MEMO1: variants seen among roughly 807,000 people sequenced by gnomAD.
MEMO1 encodes the protein protein MEMO1.
A neutral mutation model predicts 45.2 loss-of-function variants in MEMO1; 6 were observed. The ratio of observed to expected loss-of-function variants is 0.13; its 90% CI spans 0.07 to 0.26. The LOEUF is 0.26. Ranked by LOEUF, MEMO1 falls within the 10% of genes least tolerant of loss-of-function variation. The pLI is 1.00. For synonymous variants in MEMO1, 78 were observed against 124.3 expected (o/e 0.63, Z 2.48); for missense variants, 184 against 370.5 (o/e 0.50, Z 4.13).
At chr2:31,950,105 G>A (rs1347658998) in intron 2 of MEMO1, among the ~76,000 whole-genome samples, 1 of 152,152 alleles carries the variant, frequency 6.6e-6, no homozygotes, top group Non-Finnish European at 1.5e-5. Context: ...TTATTGCCGG[G>A]CGCAGTGGCT....
chr2:31,999,918 C>G (rs1673071947), intron 2 of MEMO1, among the ~76,000 whole-genome samples: 1 of 139,224 alleles, frequency 7.2e-6, no homozygotes, highest in Non-Finnish European at 1.5e-5. Flanking sequence ...AATCCTCAAT[C>G]TGTCGCCCAG....
At chr2:31,926,425 CTTG>C in intron 4 of MEMO1, among the ~76,000 whole-genome samples, 1 of 149,294 alleles carries the variant, frequency 6.7e-6, no homozygotes, top group South Asian at 2.1e-4. Flanking sequence ...AAATAATATA[CTTG>C]TTGTCAATGA....
At chr2:31,925,474 T>TCAAAAAAAAA (rs1682951325) in intron 4 of MEMO1, among the ~76,000 whole-genome samples, 1 of 15,064 alleles carries the variant, frequency 6.6e-5, no homozygotes, top group Non-Finnish European at 1.5e-4. Flanking sequence ...AGACTCCGTC[T>TCAAAAAAAAA]CAAAAAAAAA....
chr2:31,988,010 A>G (rs1030486232), intron 2 of MEMO1, among the ~76,000 whole-genome samples: 1 of 152,138 alleles, frequency 6.6e-6, no homozygotes, highest in African/African-American at 2.4e-5. Flanking sequence ...GCAGAGTGTT[A>G]GTAGGAAGGA....
At chr2:31,914,142 G>A (rs750251736) in intron 6 of MEMO1, among the ~76,000 whole-genome samples, 1 of 152,182 alleles carries the variant, frequency 6.6e-6, no homozygotes, top group Admixed American at 6.5e-5. Context: ...GCCCCAGAGA[G>A]GAAGCTAGGG....
At chr2:31,918,622 G>T (rs1681831709) in intron 5 of MEMO1, among the ~76,000 whole-genome samples, 1 of 152,098 alleles carries the variant, frequency 6.6e-6, no homozygotes, top group African/African-American at 2.4e-5. Flanking sequence ...TTGTAGGATG[G>T]ATCAAAATAT....
intron 6 of MEMO1, among the ~76,000 whole-genome samples, chr2:31,916,729 A>C (rs1681501941): frequency 6.6e-6 from 1 of 152,374 alleles, no homozygotes; most frequent in East Asian, 1.9e-4. Flanking sequence ...TATTGCTTAT[A>C]ATGTAGTATC....
At chr2:31,985,479 C>T (rs1197706334) in intron 2 of MEMO1, among the ~76,000 whole-genome samples, 1 of 152,176 alleles carries the variant, frequency 6.6e-6, no homozygotes, top group African/African-American at 2.4e-5. Context: ...GCGAGCGCCA[C>T]CATGCCCAGC....
chr2:31,988,167 G>C, intron 2 of MEMO1, among the ~76,000 whole-genome samples: 1 of 152,162 alleles, frequency 6.6e-6, no homozygotes, highest in East Asian at 1.9e-4. Context: ...CCTTTCAGAA[G>C]GTCCTCCAGA....
At chr2:31,872,095 C>T (rs1673871536) in intron 8 of MEMO1, among the ~76,000 whole-genome samples, 5 of 151,518 alleles carry the variant, frequency 3.3e-5, no homozygotes, top group Admixed American at 2.0e-4. Flanking sequence ...AAAAACATTA[C>T]AGTACATTTC....
At chr2:31,978,387 C>CA (rs917050240) in intron 2 of MEMO1, among the ~76,000 whole-genome samples, 8 of 151,418 alleles carry the variant, frequency 5.3e-5, no homozygotes, top group African/African-American at 1.5e-4. Context: ...GACTCTGTCT[C>CA]AAAAAAAATA....
intron 8 of MEMO1, among the ~76,000 whole-genome samples, chr2:31,874,449 GT>G (rs1184154946): frequency 6.6e-6 from 1 of 151,922 alleles, no homozygotes; most frequent in Non-Finnish European, 1.5e-5. Context: ...TATTTTATGT[GT>G]TTTTTCACAT....
chr2:31,969,156 T>TTTG (rs1299749910), intron 2 of MEMO1, among the ~76,000 whole-genome samples: 1 of 151,790 alleles, frequency 6.6e-6, no homozygotes, highest in Non-Finnish European at 1.5e-5. Flanking sequence ...TAAGTAAGAC[T>TTTG]ATATTAAATA....
intron 3 of MEMO1, among the ~76,000 whole-genome samples, chr2:31,939,348 G>A (rs534604631): frequency 2.0e-5 from 3 of 152,078 alleles, no homozygotes; most frequent in Non-Finnish European, 1.5e-5. Context: ...ACACACCAAA[G>A]CCAAAACTAT....
intron 5 of MEMO1, 37 bp downstream of exon 5, chr2:31,920,761 T>C: frequency 8.3e-7 from 1 of 1,198,214 alleles, no homozygotes; most frequent in East Asian, 2.7e-5. Flanking sequence ...AAAAGAACAT[T>C]AGCTATTTGA....
At chr2:31,990,854 C>T (rs1558560224) in intron 2 of MEMO1, among the ~76,000 whole-genome samples, 1 of 151,996 alleles carries the variant, frequency 6.6e-6, no homozygotes, top group Non-Finnish European at 1.5e-5. Flanking sequence ...GAGACTAACA[C>T]AAGAGCAAAT....
chr2:31,875,639 T>C (rs1352578344), intron 8 of MEMO1, among the ~76,000 whole-genome samples: 1 of 152,084 alleles, frequency 6.6e-6, no homozygotes, highest in Non-Finnish European at 1.5e-5. Flanking sequence ...CAAGTTACTA[T>C]CATCTCTCCC....
intron 2 of MEMO1, among the ~76,000 whole-genome samples, chr2:31,976,775 C>G (rs1670052538): frequency 6.6e-6 from 1 of 151,628 alleles, no homozygotes; most frequent in Non-Finnish European, 1.5e-5. Flanking sequence ...AATTAAACAC[C>G]AAAATATTTC....
chr2:31,936,638 G>A (rs2148285005), intron 3 of MEMO1, among the ~76,000 whole-genome samples: 1 of 152,244 alleles, frequency 6.6e-6, no homozygotes. Flanking sequence ...TCCAATGTGG[G>A]TATAATTCAA....
Sources: gnomAD v4.1 joint callset for allele counts (sites outside exome capture counted in the v4.1 genomes callset) on GRCh38, gnomAD v4.1.1 for gene constraint, MANE v1.5 for transcripts, NCBI Gene and HGNC (gene_info 2026-07-23, HGNC 2026-07-21) for gene names.